The following LIN7A variants were observed in gnomAD, a reference collection of about 807,000 sequenced individuals.
LIN7A encodes the protein protein lin-7 homolog A.
LIN7A carries 25 observed loss-of-function variants against 29.8 expected under a neutral mutation model. The ratio of observed to expected loss-of-function variants is 0.84; its 90% CI spans 0.61 to 1.17. The LOEUF (loss-of-function observed/expected upper bound fraction) is 1.17. Among genes scored for constraint, LIN7A ranks in the 50% most tolerant of loss-of-function variants. The pLI is 0.00. For missense variants in LIN7A, 239 were observed against 287.0 expected (o/e 0.83, Z 1.21); for synonymous variants, 118 against 107.5 (o/e 1.10, Z -0.60).
intron 1 of LIN7A, among the ~76,000 whole-genome samples, chr12:80,936,138 A>G (rs976575999): frequency 6.6e-6 from 1 of 152,210 alleles, no homozygotes; most frequent in Non-Finnish European, 1.5e-5. Flanking sequence ...TCTTACCGGC[A>G]ATGGATTTAT....
At chr12:80,829,878 G>A (rs947518332) in intron 4 of LIN7A, among the ~76,000 whole-genome samples, 8 of 152,130 alleles carry the variant, frequency 5.3e-5, no homozygotes, top group Non-Finnish European at 8.8e-5. Flanking sequence ...CACATCTGGT[G>A]GCCCTGCCTT....
At chr12:80,822,650 T>C (rs1302033745) in intron 4 of LIN7A, among the ~76,000 whole-genome samples, 1 of 152,060 alleles carries the variant, frequency 6.6e-6, no homozygotes, top group African/African-American at 2.4e-5. Context: ...CACATGGGCA[T>C]TATGGGAGCT....
chr12:80,852,358 T>C (rs895276458), intron 2 of LIN7A, among the ~76,000 whole-genome samples: 7 of 152,136 alleles, frequency 4.6e-5, no homozygotes, highest in African/African-American at 1.4e-4. Context: ...AAAACCCTAA[T>C]TGGTACAGAA....
intron 2 of LIN7A, among the ~76,000 whole-genome samples, chr12:80,868,534 C>G (rs1373190331): frequency 6.6e-6 from 1 of 152,166 alleles, no homozygotes; most frequent in Non-Finnish European, 1.5e-5. Context: ...CGCCATTGCA[C>G]TCCAGCCTGG....
intron 4 of LIN7A, among the ~76,000 whole-genome samples, chr12:80,832,846 T>A (rs1293401920): frequency 2.0e-5 from 3 of 152,162 alleles, no homozygotes; most frequent in Non-Finnish European, 4.4e-5. Flanking sequence ...AGATAGTGAT[T>A]CTCAACCAAG....
At chr12:80,847,405 C>T (rs780390818) in intron 3 of LIN7A, among the ~76,000 whole-genome samples, 5 of 151,494 alleles carry the variant, frequency 3.3e-5, no homozygotes, top group Non-Finnish European at 7.4e-5. Context: ...TACAAATCTA[C>T]AGTGTTCAGT....
intron 1 of LIN7A, among the ~76,000 whole-genome samples, chr12:80,916,947 T>A (rs1424012075): frequency 6.6e-6 from 1 of 152,196 alleles, no homozygotes; most frequent in South Asian, 2.1e-4. Flanking sequence ...TGGGACATCT[T>A]AAGTAGAAGA....
chr12:80,808,833 T>C (rs1871161069), intron 5 of LIN7A, among the ~76,000 whole-genome samples: 1 of 151,918 alleles, frequency 6.6e-6, no homozygotes, highest in African/African-American at 2.4e-5. Flanking sequence ...TAGGATAGAA[T>C]GCAATTTTAG....
At chr12:80,822,740 G>A (rs1467512330) in intron 4 of LIN7A, among the ~76,000 whole-genome samples, 4 of 152,084 alleles carry the variant, frequency 2.6e-5, no homozygotes, top group African/African-American at 9.7e-5. Context: ...AGGGTGGCTC[G>A]GCACAGGACT....
At chr12:80,904,270 C>T (rs996980638) in intron 1 of LIN7A, among the ~76,000 whole-genome samples, 5 of 152,314 alleles carry the variant, frequency 3.3e-5, no homozygotes, top group Middle Eastern at 3.4e-3. Flanking sequence ...TGCCAATCCA[C>T]ATATGCATCA....
At position 80,861,381 on chromosome 12, in the gene LIN7A, C is replaced by T. The variant is rs117782595; in HGVS notation, c.202-13059G>A. 299 of 154,938 alleles carry T rather than the reference C, an allele frequency of 1.9e-3. 2 individuals are homozygous for T. Among genetic ancestry groups the T allele is most frequent in the South Asian group, 5.4e-3 (28 of 5,184 alleles). The allele number at this position is 154,938 out of a possible 1,614,324, so 9.6% of individuals were successfully genotyped here. ...GAAGCTGTCCTATAAATCCACCCAG[C>T]GCTGCTTGATGGAGGAGTGACAGAA... On this transcript the variant is annotated intron_variant, in intron 2 of 5. Coordinates refer to ENST00000552864, the MANE Select transcript of LIN7A (RefSeq NM_004664.4).
chr12:80,848,712 T>G (rs1299658952), intron 2 of LIN7A, among the ~76,000 whole-genome samples: 1 of 152,162 alleles, frequency 6.6e-6, no homozygotes, highest in African/African-American at 2.4e-5. Context: ...GACTATATGT[T>G]CATTTTGGAT....
At chr12:80,872,138 C>A (rs928900908) in intron 2 of LIN7A, among the ~76,000 whole-genome samples, 3 of 151,978 alleles carry the variant, frequency 2.0e-5, no homozygotes, top group African/African-American at 4.8e-5. Flanking sequence ...GAACAATAAT[C>A]ATTTCCATTT....
intron 2 of LIN7A, among the ~76,000 whole-genome samples, chr12:80,872,514 A>G (rs1874472908): frequency 6.6e-6 from 1 of 152,194 alleles, no homozygotes; most frequent in Non-Finnish European, 1.5e-5. Flanking sequence ...GTCTTCAAAC[A>G]TTTAAAACAT....
At chr12:80,798,136 C>T (rs1158309108) in intron 5 of LIN7A, among the ~76,000 whole-genome samples, 4 of 152,152 alleles carry the variant, frequency 2.6e-5, no homozygotes, top group East Asian at 1.9e-4. Context: ...AGGCTGGGAG[C>T]ACCAATATTC....
intron 2 of LIN7A, among the ~76,000 whole-genome samples, chr12:80,868,050 C>G (rs1249210380): frequency 6.6e-6 from 1 of 152,222 alleles, no homozygotes; most frequent in Admixed American, 6.5e-5. Context: ...AAGCTGGAAG[C>G]AGCTATTTCA....
chr12:80,803,265 T>A (rs751846009), intron 5 of LIN7A, among the ~76,000 whole-genome samples: 1 of 152,208 alleles, frequency 6.6e-6, no homozygotes, highest in East Asian at 1.9e-4. Context: ...CAGTTTCAAG[T>A]CTTACAGTTA....
rs71094992 is a variant in LIN7A at position 80,810,393 on chromosome 12, CTGTGTGTGTGTGTGTGTGTG to C, written c.*1052_*1071del. The stretch of plus-strand genomic sequence containing the variant: ...AGGCTAAATATTAAATGGTATACAT[CTGTGTGTGTGTGTGTGTGTG>C]TGTGTGTGTGTGTGTGTGTGTGTGT... On this transcript the variant is annotated intron_variant, in intron 5 of 5. Transcript: ENST00000552864. Among the ~76,000 whole-genome samples, 912 of 147,028 alleles carry C rather than the reference CTGTGTGTGTGTGTGTGTGTG, an allele frequency of 6.2e-3. 6 individuals are homozygous for C. Among genetic ancestry groups the C allele is most frequent in the Middle Eastern group, 0.031 (9 of 292 alleles).
chr12:80,810,770 G>T (rs917759746), intron 5 of LIN7A, among the ~76,000 whole-genome samples: 2 of 152,050 alleles, frequency 1.3e-5, no homozygotes, highest in African/African-American at 4.8e-5. Context: ...TCCTCTTTTT[G>T]ATAATAGCCA....
Sources: gnomAD v4.1 joint callset for allele counts (sites outside exome capture counted in the v4.1 genomes callset) on GRCh38, gnomAD v4.1.1 for gene constraint, MANE v1.5 for transcripts, NCBI Gene and HGNC (gene_info 2026-07-23, HGNC 2026-07-21) for gene names.